The following RGPD3 variants were observed in gnomAD, a reference collection of about 807,000 sequenced individuals.
RGPD3 encodes ranBP2-like and GRIP domain-containing protein 3.
Under a neutral mutation model 154.5 loss-of-function variants are expected in RGPD3, and 62 were observed. That is an observed-to-expected ratio of 0.40 (90% CI 0.33 to 0.50). The LOEUF (loss-of-function observed/expected upper bound fraction) is 0.50. RGPD3 is among the 20% of genes least tolerant of loss of function. The pLI, the probability that RGPD3 is intolerant of heterozygous loss-of-function variation, is 0.59. For missense variants in RGPD3, 919 were observed against 1,716.8 expected (o/e 0.54, Z 8.21); for synonymous variants, 308 against 607.0 (o/e 0.51, Z 7.24).
intron 17 of RGPD3, among the ~76,000 whole-genome samples, chr2:106,432,131 G>GGA (rs1558845142): frequency 6.7e-6 from 1 of 148,828 alleles, no homozygotes; most frequent in South Asian, 2.2e-4. Context: ...TGAAAGATGA[G>GGA]GAGAGAGACA....
At chr2:106,465,877 T>A (rs1367692347) in intron 1 of RGPD3, among the ~76,000 whole-genome samples, 1 of 151,790 alleles carries the variant, frequency 6.6e-6, no homozygotes, top group Admixed American at 6.6e-5. Context: ...ACTTTCCGTG[T>A]CATTTGCGCC....
chr2:106,463,721 G>A (rs1166935852), intron 1 of RGPD3, among the ~76,000 whole-genome samples: 3 of 151,726 alleles, frequency 2.0e-5, no homozygotes, highest in Non-Finnish European at 4.4e-5. Context: ...GGGTATTCCA[G>A]GTAGACAATC....
chr2:106,465,577 T>G (rs1230955229), intron 1 of RGPD3, among the ~76,000 whole-genome samples: 1 of 147,668 alleles, frequency 6.8e-6, no homozygotes, highest in Non-Finnish European at 1.5e-5. Flanking sequence ...TTTTTTAAGC[T>G]TGTTTAAAAA....
chr2:106,451,448 G>C (rs1187631206), intron 6 of RGPD3, among the ~76,000 whole-genome samples: 1 of 142,658 alleles, frequency 7.0e-6, no homozygotes, highest in Non-Finnish European at 1.5e-5. Flanking sequence ...TCTACAAAAA[G>C]GAGAAGATTA....
intron 1 of RGPD3, among the ~76,000 whole-genome samples, chr2:106,461,702 G>GA (rs902159197): frequency 4.6e-5 from 7 of 150,878 alleles, no homozygotes; most frequent in Admixed American, 2.6e-4. Context: ...GCATCTAAAT[G>GA]AAAAAAATGC....
In RGPD3 at chr2:106,468,207, A is replaced by G. The variant is rs1678704475; in HGVS notation, c.72+10T>C. 1.9e-6 allele frequency: 3 copies of G among 1,602,642 alleles called. No homozygotes were observed. Among genetic ancestry groups the G allele is most frequent in the Non-Finnish European group, 2.6e-6 (3 of 1,175,762 alleles). ...GGTCGAGGCCGTCGGTCTCTTCCAGACCCACTCACCTTTCGAGGCGACGGG... is the reference window on the plus strand; with the variant it reads ...GGTCGAGGCCGTCGGTCTCTTCCAGGCCCACTCACCTTTCGAGGCGACGGG... On this transcript the variant is annotated intron_variant, in intron 1 of 22. Transcript: ENST00000409886.
rs1266397376 is a variant in RGPD3, at chr2:106,415,751, G to A, written c.5064+99C>T. The A allele has an allele frequency of 6.9e-6, 10 of 1,457,698 alleles. 1 individual carries two copies. Among genetic ancestry groups the A allele is most frequent in the South Asian group, 1.2e-5 (1 of 84,956 alleles). The allele number at this position is 1,457,698 out of a possible 1,614,324, so 90.3% of individuals were successfully genotyped here. A position where few individuals can be genotyped will look rare whatever the true frequency, so the allele number is the denominator to read the frequency against. ...ATATAAAGATCAAGACGTTATAGAT[G>A]CATCTGCAATGTGAATTTTTAAACT... On this transcript the variant is annotated intron_variant, in intron 21 of 22. Transcript: ENST00000409886.
intron 21 of RGPD3, among the ~76,000 whole-genome samples, chr2:106,415,434 T>C (rs892923087): frequency 6.6e-5 from 10 of 152,068 alleles, no homozygotes; most frequent in Admixed American, 3.3e-4. Flanking sequence ...TACCAGCACT[T>C]TGGGAGGCCA....
intron 21 of RGPD3, among the ~76,000 whole-genome samples, chr2:106,415,486 G>A (rs1221228873): frequency 6.6e-6 from 1 of 151,866 alleles, no homozygotes; most frequent in Non-Finnish European, 1.5e-5. Context: ...GACCATCCTG[G>A]ATAACATGGT....
Position 106,468,375 on chromosome 2 carries a change from G to T in RGPD3, c.-87C>A. The T allele has an allele frequency of 6.5e-7, 1 of 1,545,470 alleles. No homozygotes were observed. The highest frequency in any genetic ancestry group is 8.7e-7 in the Non-Finnish European group (1 of 1,144,338). On this transcript the variant is annotated 5_prime_UTR_variant, in exon 1 of 23. Coordinates refer to ENST00000409886, the MANE Select transcript of RGPD3 (RefSeq NM_001144013.2). ...AATTCCAAGAGGAAAGCGCCTGAAA[G>T]CCACTGAGGCAGCGGCGTAGCCGGC...
intron 8 of RGPD3, among the ~76,000 whole-genome samples, chr2:106,439,844 C>T (rs1204028497): frequency 9.5e-5 from 12 of 125,794 alleles, no homozygotes; most frequent in East Asian, 2.3e-4. Context: ...CCAGCCCGGG[C>T]GACAGAGTAA....
chr2:106,430,216 A>G (rs1005661100), intron 17 of RGPD3, among the ~76,000 whole-genome samples: 21 of 151,346 alleles, frequency 1.4e-4, no homozygotes, highest in African/African-American at 2.4e-4. Flanking sequence ...CTATTTGCCA[A>G]TGAGTTCTAG....
chr2:106,445,103 A>T (rs1309229839), intron 7 of RGPD3, among the ~76,000 whole-genome samples: 2 of 128,686 alleles, frequency 1.6e-5, no homozygotes, highest in African/African-American at 3.0e-5. Flanking sequence ...CCTGGCTAAC[A>T]CGGTGAAACC....
chr2:106,448,961 G>A (rs1028205823), intron 6 of RGPD3, among the ~76,000 whole-genome samples: 2 of 151,228 alleles, frequency 1.3e-5, no homozygotes, highest in Non-Finnish European at 1.5e-5. Flanking sequence ...AAAGTGCTGG[G>A]ATTACAGGGC....
chr2:106,465,097 A>G (rs1381113733), intron 1 of RGPD3, among the ~76,000 whole-genome samples: 1 of 151,572 alleles, frequency 6.6e-6, no homozygotes, highest in Non-Finnish European at 1.5e-5. Flanking sequence ...ACGCATCATC[A>G]CACTCCAAAA....
At chr2:106,408,749 A>G (rs1219235005) in intron 22 of RGPD3, among the ~76,000 whole-genome samples, 1 of 151,924 alleles carries the variant, frequency 6.6e-6, no homozygotes, top group African/African-American at 2.4e-5. Context: ...CAGGATTTCG[A>G]CCAGAAGTTT....
intron 20 of RGPD3, among the ~76,000 whole-genome samples, chr2:106,421,865 A>G (rs906487263): frequency 6.6e-6 from 1 of 151,422 alleles, no homozygotes; most frequent in Admixed American, 6.6e-5. Flanking sequence ...TACATTACAA[A>G]TCAGCATCCC....
intron 1 of RGPD3, among the ~76,000 whole-genome samples, chr2:106,468,006 G>A (rs1678689251): frequency 7.1e-6 from 1 of 141,174 alleles, no homozygotes; most frequent in Non-Finnish European, 1.5e-5. Flanking sequence ...TCAACAGAGC[G>A]CGCCAGGGAG....
chr2:106,413,540 C>T lies in RGPD3; in HGVS notation c.5065-255G>A, dbSNP rs540682881. Among the ~76,000 whole-genome samples, 26 of 152,296 alleles carry T rather than the reference C, an allele frequency of 1.7e-4. No homozygotes were observed. In the South Asian group the frequency reaches 5.4e-3, roughly 32 times the overall value. ...TGAGATAGTTTCAAAGCTGCATTTG[C>T]CTAGAAAGTGGATTGCTGCATATGA... On this transcript the variant is annotated intron_variant, in intron 21 of 22. Transcript: ENST00000409886.
Sources: gnomAD v4.1 joint callset for allele counts (sites outside exome capture counted in the v4.1 genomes callset) on GRCh38, gnomAD v4.1.1 for gene constraint, MANE v1.5 for transcripts, NCBI Gene and HGNC (gene_info 2026-07-23, HGNC 2026-07-21) for gene names.